Variants in TLE2 observed in about 807,000 individuals in gnomAD.
The protein encoded by TLE2 is transducin-like enhancer protein 2.
In TLE2, 74 loss-of-function variants were observed where a neutral mutation model predicts 97.2. The ratio of observed to expected loss-of-function variants is 0.76; its 90% confidence interval spans 0.63 to 0.92. TLE2 has a LOEUF of 0.92. Among genes scored for constraint, TLE2 ranks in the 40% least tolerant of loss-of-function variants. TLE2 has a pLI of 0.00. For missense variants in TLE2, 1,038 were observed against 1,008.7 expected, an observed-to-expected ratio of 1.03 and a Z score of -0.39; for synonymous variants, 499 against 432.1, an observed-to-expected ratio of 1.15 and a Z score of -1.92.
At chr19:3,032,310 CT>C (rs1253601543), upstream of TLE2, among the ~76,000 whole-genome samples, 1 of 152,138 alleles carries the variant, frequency 6.6e-6, no homozygotes, top group Non-Finnish European at 1.5e-5. The surrounding 1 kb of genome is among the most constrained non-coding windows in gnomAD (Gnocchi z 4.1). Flanking sequence ...TCTCGGCTCA[CT>C]GCTGCAACCT....
chr19:3,046,946 CT>C (rs1163996971), upstream of TLE2, among the ~76,000 whole-genome samples: 8 of 121,718 alleles, frequency 6.6e-5, no homozygotes, highest in Non-Finnish European at 1.2e-4. Context: ...CCCCCTCCTC[CT>C]CCCTTCCCTC....
At chr19:3,003,207 C>T (rs948918466) in intron 17 of TLE2, among the ~76,000 whole-genome samples, 1 of 152,122 alleles carries the variant, frequency 6.6e-6, no homozygotes, top group African/African-American at 2.4e-5. Flanking sequence ...TCTGAGCGCA[C>T]AACAGCACAG....
rs372007569 is a variant in TLE2, at chr19:3,009,593, G to A, written c.1122C>T (p.Leu374=). The A allele has an allele frequency of 4.1e-5, 66 of 1,613,430 alleles. No homozygotes were observed. The highest frequency in any genetic ancestry group is 8.3e-5 in the Admixed American group (5 of 59,940). ...AGCTGCTGACCTGGGGGGACAGGTG[G>A]AGGCTGACGTAGGAGCTGGGCACGG... ...DLSVPSSYVS[L]HLSPQVSSSV... Residue 374 remains leucine (L), a synonymous_variant, in exon 13 of 20, where the codon CTC becomes CTT. Coordinates refer to ENST00000262953, the MANE Select transcript of TLE2 (RefSeq NM_003260.5).
chr19:3,023,752 C>G (rs368284139), intron 5 of TLE2, among the ~76,000 whole-genome samples: 1 of 151,526 alleles, frequency 6.6e-6, no homozygotes. Flanking sequence ...ATTAGCCGGG[C>G]GTGGTGGTGC....
chr19:3,015,710 A>T lies in TLE2; in HGVS notation c.621T>A (p.Ser207Arg). The change falls in exon 9 of 20, where the codon AGT becomes AGA. Residue 207 changes from serine (S) to arginine (R), a missense_variant. Coordinates refer to ENST00000262953, the MANE Select transcript of TLE2 (RefSeq NM_003260.5). ...PESLVEEERP[S>R]GPGGGGKQRA... The stretch of plus-strand genomic sequence containing the variant: ...TCTGCTTCCCGCCACCACCAGGGCC[A>T]CTCGGTCGCTCCTCCTCCACGAGAC... 1 of 1,611,416 alleles carries T rather than the reference A, an allele frequency of 6.2e-7. No individual in the cohort carries two copies.
At chr19:3,008,820 G>C (rs1324996026) in intron 14 of TLE2, 49 bp downstream of exon 14, 1 of 1,440,660 alleles carries the variant, frequency 6.9e-7, no homozygotes, top group Admixed American at 2.3e-5. Flanking sequence ...CAGAGGAGGT[G>C]GGGGGCTGGC....
intron 8 of TLE2, 32 bp downstream of exon 8, chr19:3,017,808 A>G (rs2089744924): frequency 6.2e-7 from 1 of 1,607,112 alleles, no homozygotes; most frequent in South Asian, 1.1e-5. Flanking sequence ...TCCCAAGAAT[A>G]TAAAAAGAGT....
upstream of TLE2, among the ~76,000 whole-genome samples, chr19:3,032,449 G>T (rs146661635): frequency 9.5e-3 from 1,441 of 152,184 alleles, 27 homozygotes; most frequent in African/African-American, 0.03. This position sits in a 1 kb window ranked among gnomAD's most constrained non-coding sequence, Gnocchi z 4.1. Context: ...TGTTGGCCAG[G>T]CTGGTCGCAA....
chr19:3,000,773 C>G, intron 18 of TLE2, 50 bp from the exon 19 acceptor site: 1 of 1,476,936 alleles, frequency 6.8e-7, no homozygotes. Context: ...TAACGAGAGA[C>G]CCGGGCTGCA....
intron 1 of TLE2, among the ~76,000 whole-genome samples, chr19:3,042,693 T>A (rs1300048041): frequency 6.6e-6 from 1 of 151,340 alleles, no homozygotes; most frequent in Non-Finnish European, 1.5e-5. Flanking sequence ...ATTTGCTTCA[T>A]ATTAGGGGTT....
At chr19:2,999,098 G>A (rs190686009) in intron 19 of TLE2, among the ~76,000 whole-genome samples, 2 of 151,938 alleles carry the variant, frequency 1.3e-5, no homozygotes, top group Non-Finnish European at 2.9e-5. Context: ...ACTGGCCAAC[G>A]TGGGGAATCC....
In TLE2 at chr19:3,017,831, C is replaced by A; in HGVS notation, c.570+9G>T. On this transcript the variant is annotated intron_variant, in intron 8 of 19. Transcript: ENST00000262953. ...ATATAAAAAGAGTCCCAGGGTGCCACTCACTTACCCTGCTCGGGGCTCTCT... is the reference window on the plus strand; with the variant it reads ...ATATAAAAAGAGTCCCAGGGTGCCAATCACTTACCCTGCTCGGGGCTCTCT... 6.2e-7 allele frequency: 1 copy of A among 1,610,944 alleles called. No individual in the cohort carries two copies. The highest frequency in any genetic ancestry group is 8.5e-7 in the Non-Finnish European group (1 of 1,178,672).
chr19:3,040,782 G>A (rs539663822), intron 1 of TLE2, among the ~76,000 whole-genome samples: 55 of 151,800 alleles, frequency 3.6e-4, no homozygotes, highest in Non-Finnish European at 6.5e-4. Flanking sequence ...GACCACAATC[G>A]TGCACCACCA....
rs770275209 is a variant in TLE2, at chr19:3,011,164, C to T, written c.874-4G>A. 53 of 1,589,260 alleles carry T rather than the reference C, an allele frequency of 3.3e-5. No individual in the cohort carries two copies. The South Asian group carries it at 5.9e-4, about 18-fold the overall frequency. On this transcript the variant is annotated splice_polypyrimidine_tract_variant and splice_region_variant and intron_variant, in intron 11 of 19. Coordinates refer to ENST00000262953, the MANE Select transcript of TLE2 (RefSeq NM_003260.5). ...GAGTGCTGGCGGGAAGGTCATTCTG[C>T]AGAGAAAGGGCAGGACTGAAGGCCA...
chr19:3,042,685 T>A (rs2090113751), intron 1 of TLE2, among the ~76,000 whole-genome samples: 1 of 151,362 alleles, frequency 6.6e-6, no homozygotes. Flanking sequence ...TGAGTTCTAT[T>A]TGCTTCATAT....
chr19:3,043,458 T>A (rs2145237078), intron 1 of TLE2, among the ~76,000 whole-genome samples: 2 of 144,334 alleles, frequency 1.4e-5, no homozygotes, highest in East Asian at 4.4e-4. Context: ...ATTACAGGCG[T>A]GAGCCACCGC....
chr19:3,025,023 C>T lies in TLE2; in HGVS notation c.291G>A (p.Gln97=). The T allele has an allele frequency of 1.3e-6, 2 of 1,597,818 alleles. No individual in the cohort carries two copies. Among genetic ancestry groups the T allele is most frequent in the Non-Finnish European group, 1.7e-6 (2 of 1,172,638 alleles). Residue 97 remains glutamine (Q), a synonymous_variant, in exon 5 of 20, where the codon CAG becomes CAA. Coordinates refer to ENST00000262953, the MANE Select transcript of TLE2 (RefSeq NM_003260.5). ...ICAQIIPFLT[Q]EHQQQVLQAV... ...CCCCACCCCCAGGCCCACTCACCTCCTGGGTCAGGAAGGGGATAATCTGAG... is the reference window on the plus strand; with the variant it reads ...CCCCACCCCCAGGCCCACTCACCTCTTGGGTCAGGAAGGGGATAATCTGAG...
At chr19:3,042,031 C>A (rs1446775682) in intron 1 of TLE2, among the ~76,000 whole-genome samples, 1 of 151,614 alleles carries the variant, frequency 6.6e-6, no homozygotes, top group Non-Finnish European at 1.5e-5. Context: ...CCCGGCCCAG[C>A]GTGTTCCCCG....
At chr19:3,040,884 C>T (rs2090094984) in intron 1 of TLE2, among the ~76,000 whole-genome samples, 1 of 149,876 alleles carries the variant, frequency 6.7e-6, no homozygotes, top group Non-Finnish European at 1.5e-5. Context: ...TTCTGGTTTG[C>T]AGTGAGACCT....
Sources: allele counts gnomAD v4.1 joint callset (sites outside exome capture counted in the v4.1 genomes callset), GRCh38; gene constraint gnomAD v4.1.1; non-coding constraint Gnocchi (gnomAD v3.1); transcripts MANE v1.5; gene names NCBI Gene and HGNC (gene_info 2026-07-23, HGNC 2026-07-21).